KCNA10: variants seen among roughly 807,000 people sequenced by gnomAD.
KCNA10 encodes the protein potassium voltage-gated channel subfamily A member 10, also known as cyclic GMP gated potassium channel.
In KCNA10, 16 loss-of-function variants were observed where a neutral mutation model predicts 21.4. The ratio of observed to expected loss-of-function variants is 0.75; its 90% CI spans 0.51 to 1.14. The LOEUF is 1.14. KCNA10 is among the 50% of genes most tolerant of loss of function. KCNA10 has a pLI of 0.00. For synonymous variants in KCNA10, 276 were observed against 245.9 expected (o/e 1.12, Z -1.15); for missense variants, 677 against 649.1 (o/e 1.04, Z -0.47).
chr1:110,518,559 C>T lies in KCNA10; in HGVS notation c.229G>A (p.Glu77Lys). The T allele has an allele frequency of 2.5e-6, 4 of 1,614,196 alleles. No individual in the cohort carries two copies. Among genetic ancestry groups the T allele is most frequent in the Non-Finnish European group, 3.4e-6 (4 of 1,180,042 alleles). ...PGDYADPPGP[E>K]PVVLNEGNQR... Reference sequence around the variant, plus strand: ...TTTCCTTCATTTAGGACCACTGGCTCAGGCCCTGGGGGGTCAGCATAGTCT... The same window carrying T: ...TTTCCTTCATTTAGGACCACTGGCTTAGGCCCTGGGGGGTCAGCATAGTCT... The change falls in exon 1 of 1, where the codon GAG becomes AAG. Residue 77 changes from glutamate to lysine, a missense_variant. Coordinates refer to ENST00000369771, the MANE Select transcript of KCNA10 (RefSeq NM_005549.2).
Position 110,518,465 on chromosome 1 carries a change from G to T in KCNA10, c.323C>A (p.Pro108Gln). ...TTCCCGGTCTCCCAGGAGAGTCTCT[G>T]GGAACTGACTAAGGGTTCTGAGCTG... Reference protein sequence around the residue: ...ETQLRTLSQFPETLLGDREKR... With the variant: ...ETQLRTLSQFQETLLGDREKR... The change falls in exon 1 of 1, where the codon CCA (proline) becomes CAA (glutamine). Residue 108 changes from proline (P) to glutamine (Q), a missense_variant. Physicochemically the swap from Pro to Gln is moderately conservative, Grantham distance 76. Coordinates refer to ENST00000369771, the MANE Select transcript of KCNA10 (RefSeq NM_005549.2). 1 of 1,614,200 alleles carries T rather than the reference G, an allele frequency of 6.2e-7. No individual in the cohort carries two copies. The highest frequency in any genetic ancestry group is 1.3e-5 in the African/African-American group (1 of 75,050).
At position 110,518,800 on chromosome 1, in the gene KCNA10, A is replaced by G. The variant is rs1302992947; in HGVS notation, c.-13T>C. On this transcript the variant is annotated 5_prime_UTR_variant, in exon 1 of 1. Transcript: ENST00000369771. ...CACACACATCCATTCTAGGGGAGCCAGGGAAGAAGCATGAAGATCCTCAGC... is the reference window on the plus strand; with the variant it reads ...CACACACATCCATTCTAGGGGAGCCGGGGAAGAAGCATGAAGATCCTCAGC... 6 of 1,519,950 alleles carry G rather than the reference A, an allele frequency of 3.9e-6. No homozygotes were observed. In the African/African-American group the frequency reaches 8.3e-5, roughly 21 times the overall value. The allele number at this position is 1,519,950 out of a possible 1,614,324, so 94.2% of individuals were successfully genotyped here. A position where few individuals can be genotyped will look rare whatever the true frequency, so the allele number is the denominator to read the frequency against.
In KCNA10 at chr1:110,518,576, G is replaced by C; in HGVS notation, c.212C>G (p.Ala71Gly). 6.2e-7 allele frequency: 1 copy of C among 1,614,180 alleles called. No individual in the cohort carries two copies. Among genetic ancestry groups the C allele is most frequent in the East Asian group, 2.2e-5 (1 of 44,880 alleles). ...CACTGGCTCAGGCCCTGGGGGGTCA[G>C]CATAGTCTCCCGGAAGCTTGGAGAA... ...TAFSKLPGDY[A>G]DPPGPEPVVL... The change falls in exon 1 of 1, where the codon GCT becomes GGT. Residue 71 changes from alanine to glycine, a missense_variant. By Grantham distance (60) the Ala-to-Gly change is moderately conservative (BLOSUM62 0). Transcript: ENST00000369771.
Position 110,518,640 on chromosome 1 carries a change from TC to T in KCNA10, c.147del (p.Lys50ArgfsTer32). ...GRPGGSSFSN[G>X]KILISESTNH... ...TTGGTGCTTTCGCTGATGAGGATCT[TC>T]CCGTTGGAGAAGGAGCTGCCCCCAG... On this transcript the variant is annotated frameshift_variant, in exon 1 of 1. Coordinates refer to ENST00000369771, the MANE Select transcript of KCNA10 (RefSeq NM_005549.2). LOFTEE classifies it high-confidence loss of function. The T allele has an allele frequency of 6.2e-6, 10 of 1,614,152 alleles. No individual in the cohort carries two copies. The highest frequency in any genetic ancestry group is 8.5e-6 in the Non-Finnish European group (10 of 1,180,034).
chr1:110,518,406 C>G lies in KCNA10; in HGVS notation c.382G>C (p.Glu128Gln), dbSNP rs767934594. Residue 128 changes from glutamate to glutamine, a missense_variant, in exon 1 of 1, where the codon GAG (glutamate) becomes CAG (glutamine). Glu to Gln is a conservative substitution (Grantham distance 29). Transcript: ENST00000369771. ...RMQFFDSMRN[E>Q]YFFDRNRPSF... ...GGCCGGTTCCGATCAAAGAAATACT[C>G]ATTTCTCATGGAGTCAAAGAACTGC... The G allele has an allele frequency of 1.4e-5, 22 of 1,614,086 alleles. No individual in the cohort carries two copies. Among genetic ancestry groups the G allele is most frequent in the Non-Finnish European group, 1.8e-5 (21 of 1,180,046 alleles).
chr1:110,518,041 C>A lies in KCNA10; in HGVS notation c.747G>T (p.Val249=). ...PEFREDRELK[V]VRDPNLNMSK... ...TCATGTTGAGATTGGGGTCTCTGACCACCTTTAGCTCCCTATCCTCCCGGA... is the reference window on the plus strand; with the variant it reads ...TCATGTTGAGATTGGGGTCTCTGACAACCTTTAGCTCCCTATCCTCCCGGA... Residue 249 remains valine, a synonymous_variant, in exon 1 of 1, where the codon GTG becomes GTT. Coordinates refer to ENST00000369771, the MANE Select transcript of KCNA10 (RefSeq NM_005549.2). The A allele has an allele frequency of 1.9e-6, 3 of 1,613,818 alleles. No homozygotes were observed. The highest frequency in any genetic ancestry group is 1.1e-5 in the South Asian group (1 of 91,038).
In KCNA10 at chr1:110,517,836, T is replaced by C; in HGVS notation, c.952A>G (p.Thr318Ala). The change falls in exon 1 of 1, where the codon ACT becomes GCT. Residue 318 changes from threonine (T) to alanine (A), a missense_variant. By Grantham distance (58) the Thr-to-Ala change is moderately conservative. Transcript: ENST00000369771. ...TCCTGGACTAGCTCTGTGATGAGAG[T>C]TGCAAAGTAGGGGATAATGGAGATG... ...DIISIIPYFA[T>A]LITELVQETE... 1 of 1,613,452 alleles carries C rather than the reference T, an allele frequency of 6.2e-7. No individual in the cohort carries two copies. The highest frequency in any genetic ancestry group is 8.5e-7 in the Non-Finnish European group (1 of 1,179,836).
In KCNA10 at chr1:110,518,408, T is replaced by C; in HGVS notation, c.380A>G (p.Asn127Ser). The change falls in exon 1 of 1, where the codon AAT becomes AGT. Residue 127 changes from asparagine (N) to serine (S), a missense_variant. Asn to Ser is a conservative substitution (Grantham distance 46). Coordinates refer to ENST00000369771, the MANE Select transcript of KCNA10 (RefSeq NM_005549.2). ...CCGGTTCCGATCAAAGAAATACTCA[T>C]TTCTCATGGAGTCAAAGAACTGCAT... is the stretch of plus-strand genomic sequence containing the variant. ...KRMQFFDSMR[N>S]EYFFDRNRPS... 1 of 1,614,214 alleles carries C rather than the reference T, an allele frequency of 6.2e-7. No individual in the cohort carries two copies. Among genetic ancestry groups the C allele is most frequent in the South Asian group, 1.1e-5 (1 of 91,086 alleles).
chr1:110,518,850 G>T lies in KCNA10; in HGVS notation c.-63C>A. 1 of 1,346,908 alleles carries T rather than the reference G, an allele frequency of 7.4e-7. No homozygotes were observed. The highest frequency in any genetic ancestry group is 1.0e-6 in the Non-Finnish European group (1 of 1,000,438). 83.4% of individuals were successfully genotyped at this position (1,346,908 alleles called of 1,614,324 possible). A position where few individuals can be genotyped will look rare whatever the true frequency, so the allele number is the denominator to read the frequency against. On this transcript the variant is annotated 5_prime_UTR_variant, in exon 1 of 1. Coordinates refer to ENST00000369771, the MANE Select transcript of KCNA10 (RefSeq NM_005549.2). ...CCTTCACTGCCTGCTGTGAGCTATG[G>T]AGAAGAAGAAGTTCATTATACAAGA...
chr1:110,518,715 C>A lies in KCNA10; in HGVS notation c.73G>T (p.Glu25Ter). The A allele has an allele frequency of 6.2e-7, 1 of 1,613,064 alleles. No individual in the cohort carries two copies. The highest frequency in any genetic ancestry group is 8.5e-7 in the Non-Finnish European group (1 of 1,179,396). ...TCGAAGTCTGTGGCATAGCCTGGCT[C>A]TTCTTGGATTTCATCTGAATTATCA... ...NFDNSDEIQE[E>*]PGYATDFDST... is the part of the protein sequence containing the mutation. The change falls in exon 1 of 1, where the codon GAG (glutamate) becomes TAG (stop). Residue 25 changes from glutamate (E) to a stop codon, truncating the protein, a stop_gained. Coordinates refer to ENST00000369771, the MANE Select transcript of KCNA10 (RefSeq NM_005549.2). LOFTEE classifies it high-confidence loss of function.
In KCNA10 at chr1:110,517,928, A is replaced by G; in HGVS notation, c.860T>C (p.Val287Ala). The change falls in exon 1 of 1, where the codon GTG becomes GCG. Residue 287 changes from valine to alanine, a missense_variant. Physicochemically the swap from Val to Ala is moderately conservative, Grantham distance 64. Transcript: ENST00000369771. ...TCIVWFTFEL[V>A]LRFVVCPSKT... ...GCTGGGGCAGACCACGAACCGGAGC[A>G]CCAGCTCGAAGGTGAACCACACGAT... The G allele has an allele frequency of 1.2e-6, 2 of 1,613,866 alleles. No individual in the cohort carries two copies. Among genetic ancestry groups the G allele is most frequent in the Non-Finnish European group, 8.5e-7 (1 of 1,180,024 alleles).
Position 110,517,939 on chromosome 1 carries a change from G to A in KCNA10, c.849C>T (p.Thr283=), listed in dbSNP as rs1440824457. The change falls in exon 1 of 1, where the codon ACC becomes ACT. Residue 283 remains threonine (T), a synonymous_variant. Transcript: ENST00000369771. Reference sequence around the variant, plus strand: ...CCACGAACCGGAGCACCAGCTCGAAGGTGAACCACACGATGCAGGTAGACT... The same window carrying A: ...CCACGAACCGGAGCACCAGCTCGAAAGTGAACCACACGATGCAGGTAGACT... ...MVESTCIVWF[T]FELVLRFVVC... 2 of 1,613,716 alleles carry A rather than the reference G, an allele frequency of 1.2e-6. No individual in the cohort carries two copies. Among genetic ancestry groups the A allele is most frequent in the Middle Eastern group, 1.6e-4 (1 of 6,062 alleles).
chr1:110,517,814 T>C lies in KCNA10; in HGVS notation c.974A>G (p.Gln325Arg), dbSNP rs1358461642. The change falls in exon 1 of 1, where the codon CAG becomes CGG. Residue 325 changes from glutamine (Q) to arginine (R), a missense_variant. Coordinates refer to ENST00000369771, the MANE Select transcript of KCNA10 (RefSeq NM_005549.2). ...CTGTTGGGCACTCGGCTCTGTCTCC[T>C]GGACTAGCTCTGTGATGAGAGTTGC... Reference protein sequence around the residue: ...YFATLITELVQETEPSAQQNM... With the variant: ...YFATLITELVRETEPSAQQNM... 1.2e-6 allele frequency: 2 copies of C among 1,614,148 alleles called. No individual in the cohort carries two copies. Among genetic ancestry groups the C allele is most frequent in the African/African-American group, 1.3e-5 (1 of 75,032 alleles).
At position 110,517,657 on chromosome 1, in the gene KCNA10, C is replaced by A. The variant is rs1439959184; in HGVS notation, c.1131G>T (p.Leu377Phe). 3 of 1,614,082 alleles carry A rather than the reference C, an allele frequency of 1.9e-6. No individual in the cohort carries two copies. The highest frequency in any genetic ancestry group is 1.3e-5 in the African/African-American group (1 of 74,934). The change falls in exon 1 of 1, where the codon TTG (leucine) becomes TTT (phenylalanine). Residue 377 changes from leucine to phenylalanine, a missense_variant. Transcript: ENST00000369771. ...TLKASMRELG[L>F]LIFFLFIGVI... ...CTCCAATGAAGAGAAAGAAGATGAGCAACCCCAACTCCCGCATGGACGCCT... is the reference window on the plus strand; with the variant it reads ...CTCCAATGAAGAGAAAGAAGATGAGAAACCCCAACTCCCGCATGGACGCCT...
Position 110,518,563 on chromosome 1 carries a change from C to T in KCNA10, c.225G>A (p.Gly75=). ...CTTCATTTAGGACCACTGGCTCAGGCCCTGGGGGGTCAGCATAGTCTCCCG... is the reference window on the plus strand; with the variant it reads ...CTTCATTTAGGACCACTGGCTCAGGTCCTGGGGGGTCAGCATAGTCTCCCG... The part of the protein sequence containing the change: ...KLPGDYADPP[G]PEPVVLNEGN... The change falls in exon 1 of 1, where the codon GGG becomes GGA. Residue 75 remains glycine (G), a synonymous_variant. Transcript: ENST00000369771. 6.2e-7 allele frequency: 1 copy of T among 1,614,172 alleles called. No homozygotes were observed.
At position 110,517,638 on chromosome 1, in the gene KCNA10, T is replaced by G; in HGVS notation, c.1150A>C (p.Ile384Leu). The G allele has an allele frequency of 6.2e-7, 1 of 1,614,074 alleles. No individual in the cohort carries two copies. The highest frequency in any genetic ancestry group is 1.1e-5 in the South Asian group (1 of 91,070). Residue 384 changes from isoleucine (I) to leucine (L), a missense_variant, in exon 1 of 1, where the codon ATT becomes CTT. Ile to Leu is a conservative substitution (Grantham distance 5). Coordinates refer to ENST00000369771, the MANE Select transcript of KCNA10 (RefSeq NM_005549.2). ...GCACTGGAGAAGAGGATGACTCCAA[T>G]GAAGAGAAAGAAGATGAGCAACCCC... ...ELGLLIFFLF[I>L]GVILFSSAVY...
rs1332799570 is a variant in KCNA10, at chr1:110,517,696, G to A, written c.1092C>T (p.Leu364=). The A allele has an allele frequency of 6.2e-6, 10 of 1,614,046 alleles. No individual in the cohort carries two copies. The highest frequency in any genetic ancestry group is 2.2e-5 in the East Asian group (1 of 44,876). The change falls in exon 1 of 1, where the codon CTC becomes CTT. Residue 364 remains leucine (L), a synonymous_variant. Coordinates refer to ENST00000369771, the MANE Select transcript of KCNA10 (RefSeq NM_005549.2). ...GCATGGACGCCTTCAGTGTTTGCCC[G>A]AGGATCTGCAGCCCCTTGGAGTGGC... ...LSRHSKGLQI[L]GQTLKASMRE...
Position 110,517,468 on chromosome 1 carries a change from C to G in KCNA10, c.1320G>C (p.Leu440=). The G allele has an allele frequency of 6.2e-7, 1 of 1,614,198 alleles. No homozygotes were observed. The highest frequency in any genetic ancestry group is 8.5e-7 in the Non-Finnish European group (1 of 1,180,016). Residue 440 remains leucine, a synonymous_variant, in exon 1 of 1, where the codon CTG becomes CTC. Transcript: ENST00000369771. The part of the protein sequence containing the change: ...TTPGGKIVGT[L]CAIAGVLTIA... ...TGGTGAGGACCCCTGCAATGGCACA[C>G]AGAGTGCCCACAATCTTCCCCCCTG...
At position 110,518,514 on chromosome 1, in the gene KCNA10, T is replaced by C. The variant is rs150009335; in HGVS notation, c.274A>G (p.Ile92Val). Residue 92 changes from isoleucine (I) to valine (V), a missense_variant, in exon 1 of 1, where the codon ATT (isoleucine) becomes GTT (valine). Physicochemically the swap from Ile to Val is conservative, Grantham distance 29. Transcript: ENST00000369771. ...TGGGTCTCAAATCTCAGCCCAGCAA[T>C]GTTGATGATCACCCGCTGGTTTCCT... ...NEGNQRVIIN[I>V]AGLRFETQLR... is the part of the protein sequence containing the mutation. 4.2e-4 allele frequency: 674 copies of C among 1,614,138 alleles called. 1 individual carries two copies. Among genetic ancestry groups the C allele is most frequent in the Middle Eastern group, 1.3e-3 (8 of 6,062 alleles).
Sources: gnomAD v4.1 joint callset for allele counts on GRCh38, gnomAD v4.1.1 for gene constraint, MANE v1.5 for transcripts, NCBI Gene and HGNC (gene_info 2026-07-23, HGNC 2026-07-21) for gene names.